Variants in ABTB3 observed in about 807,000 individuals in gnomAD.
The protein encoded by ABTB3 is ankyrin repeat and BTB domain containing 3, also known as ankyrin repeat- and BTB/POZ domain-containing protein 3.
At chr12:107,625,738 G>A in the ABTB3 span, among the ~76,000 whole-genome samples, 1 of 151,948 alleles carries the variant, frequency 6.6e-6, no homozygotes, top group Admixed American at 6.5e-5. Context: ...GTGAGAAGGG[G>A]GTCTCCACTG....
the ABTB3 span, among the ~76,000 whole-genome samples, chr12:107,434,400 GC>G: frequency 3.7e-4 from 56 of 152,362 alleles, 2 homozygotes; most frequent in South Asian, 0.011. Flanking sequence ...GACACCCACA[GC>G]GTCTGCTACA....
chr12:107,566,680 C>CACACACACACACACACAA, the ABTB3 span, among the ~76,000 whole-genome samples: 61 of 151,368 alleles, frequency 4.0e-4, no homozygotes, highest in African/African-American at 1.4e-3. Flanking sequence ...CACACACACA[C>CACACACACACACACACAA]ACACAAACAT....
the ABTB3 span, chr12:107,657,971 T>C: frequency 3.8e-6 from 2 of 529,398 alleles, no homozygotes; most frequent in Admixed American, 3.2e-5. Context: ...CCTAGGACCA[T>C]TGAACACCCA....
the ABTB3 span, among the ~76,000 whole-genome samples, chr12:107,538,722 C>T: frequency 5.3e-5 from 8 of 152,294 alleles, no homozygotes; most frequent in East Asian, 1.9e-4. Flanking sequence ...TCAGCCACCC[C>T]GCTGTCCTCC....
the ABTB3 span, among the ~76,000 whole-genome samples, chr12:107,422,951 G>A: frequency 6.6e-6 from 1 of 152,158 alleles, no homozygotes; most frequent in Non-Finnish European, 1.5e-5. Flanking sequence ...ATTGCCATGG[G>A]GAAAGAATAT....
At chr12:107,417,201 C>T in the ABTB3 span, among the ~76,000 whole-genome samples, 1 of 152,310 alleles carries the variant, frequency 6.6e-6, no homozygotes, top group Non-Finnish European at 1.5e-5. Flanking sequence ...AAAAGCACAA[C>T]CTTTGGAGTC....
the ABTB3 span, among the ~76,000 whole-genome samples, chr12:107,588,915 C>T: frequency 1.3e-5 from 2 of 152,178 alleles, no homozygotes; most frequent in African/African-American, 4.8e-5. Flanking sequence ...ATTAAGTCCA[C>T]ACTCCAGCAT....
the ABTB3 span, among the ~76,000 whole-genome samples, chr12:107,350,499 G>T: frequency 6.6e-6 from 1 of 151,188 alleles, no homozygotes; most frequent in Non-Finnish European, 1.5e-5. Flanking sequence ...CTTGCAGTGG[G>T]CCAAGATCTG....
chr12:107,416,046 G>C, the ABTB3 span, among the ~76,000 whole-genome samples: 2 of 152,152 alleles, frequency 1.3e-5, no homozygotes, highest in Non-Finnish European at 1.5e-5. Context: ...AAAAATTCTG[G>C]AGTCTGAAAT....
the ABTB3 span, among the ~76,000 whole-genome samples, chr12:107,558,300 G>T: frequency 6.6e-6 from 1 of 152,192 alleles, no homozygotes; most frequent in Non-Finnish European, 1.5e-5. Flanking sequence ...TTAGTAAAAA[G>T]CCACTGCCTC....
chr12:107,492,954 G>C, the ABTB3 span, among the ~76,000 whole-genome samples: 1 of 152,060 alleles, frequency 6.6e-6, no homozygotes, highest in Non-Finnish European at 1.5e-5. Flanking sequence ...AGTGCCACCA[G>C]CCTCAGTGTT....
At chr12:107,421,326 A>G in the ABTB3 span, among the ~76,000 whole-genome samples, 1 of 152,180 alleles carries the variant, frequency 6.6e-6, no homozygotes, top group African/African-American at 2.4e-5. Context: ...GACAGAAGGG[A>G]TTTCCTTTAA....
the ABTB3 span, chr12:107,581,413 G>C: frequency 1.1e-6 from 1 of 914,306 alleles, no homozygotes; most frequent in African/African-American, 1.8e-5. Context: ...CGCACACCTC[G>C]GCGGCGCTGG....
the ABTB3 span, among the ~76,000 whole-genome samples, chr12:107,606,886 G>A: frequency 3.9e-5 from 6 of 152,058 alleles, no homozygotes; most frequent in South Asian, 4.2e-4. Context: ...CACCTCTCCC[G>A]GAAGCCTCTG....
chr12:107,572,200 CAG>C, the ABTB3 span, among the ~76,000 whole-genome samples: 4 of 151,976 alleles, frequency 2.6e-5, no homozygotes, highest in Admixed American at 2.6e-4. Flanking sequence ...TAATGCAAGA[CAG>C]AGATAAAGAC....
the ABTB3 span, among the ~76,000 whole-genome samples, chr12:107,602,485 G>A: frequency 8.5e-5 from 13 of 152,238 alleles, no homozygotes; most frequent in East Asian, 2.1e-3. Flanking sequence ...TATGCTGAGC[G>A]CAGTACTCTG....
chr12:107,552,514 A>G, the ABTB3 span, among the ~76,000 whole-genome samples: 2 of 152,202 alleles, frequency 1.3e-5, no homozygotes, highest in Non-Finnish European at 2.9e-5. Context: ...TATAGGATCC[A>G]GATACTACAC....
the ABTB3 span, among the ~76,000 whole-genome samples, chr12:107,447,908 G>GC: frequency 1.3e-5 from 2 of 152,198 alleles, no homozygotes; most frequent in Non-Finnish European, 2.9e-5. Context: ...GCAGTATTAG[G>GC]CCCGAGGGGT....
the ABTB3 span, among the ~76,000 whole-genome samples, chr12:107,350,920 T>C: frequency 3.3e-5 from 5 of 152,252 alleles, no homozygotes; most frequent in East Asian, 9.7e-4. Context: ...GTCCTCTTGG[T>C]TGCTTTTAGC....
Sources: gnomAD v4.1 joint callset for allele counts (sites outside exome capture counted in the v4.1 genomes callset) on GRCh38, gnomAD v4.1.1 for gene constraint, MANE v1.5 for transcripts, NCBI Gene and HGNC (gene_info 2026-07-23, HGNC 2026-07-21) for gene names.